Variants in GLIS3 observed in about 807,000 individuals in gnomAD.
The protein encoded by GLIS3 is GLIS family zinc finger 3, also known as zinc finger protein GLIS3.
In GLIS3, 53 loss-of-function variants were observed where a neutral mutation model predicts 78.6. That is an observed-to-expected ratio of 0.67 (90% CI 0.54 to 0.85). The LOEUF is 0.85. Among genes scored for constraint, GLIS3 ranks in the 40% least tolerant of loss-of-function variants. GLIS3 has a pLI of 0.00. For synonymous variants in GLIS3, 684 were observed against 509.9 expected, an observed-to-expected ratio of 1.34 and a Z score of -4.60; for missense variants, 1,703 against 1,231.1, an observed-to-expected ratio of 1.38 and a Z score of -5.74.
At chr9:4,144,605 C>T (rs1171109927) in intron 2 of GLIS3, among the ~76,000 whole-genome samples, 1 of 152,096 alleles carries the variant, frequency 6.6e-6, no homozygotes, top group Non-Finnish European at 1.5e-5. Context: ...GGAAATAAAG[C>T]TGTAATACAT....
intron 2 of GLIS3, among the ~76,000 whole-genome samples, chr9:4,145,507 A>C (rs994945340): frequency 6.6e-6 from 1 of 152,156 alleles, no homozygotes; most frequent in African/African-American, 2.4e-5. Flanking sequence ...AAATGACCAA[A>C]GCCCACAGGA....
intron 7 of GLIS3, among the ~76,000 whole-genome samples, chr9:3,897,184 G>A (rs1200325904): frequency 1.3e-5 from 2 of 152,100 alleles, no homozygotes; most frequent in African/African-American, 4.8e-5. Flanking sequence ...AATACAGCCA[G>A]ACTAGCCCAT....
At chr9:4,194,788 G>C (rs1448521375) in intron 2 of GLIS3, among the ~76,000 whole-genome samples, 5 of 152,190 alleles carry the variant, frequency 3.3e-5, no homozygotes, top group East Asian at 3.9e-4. Flanking sequence ...GGCCAAGGGA[G>C]AGTACTTTGT....
At chr9:4,126,266 T>G (rs1832569675) in intron 2 of GLIS3, among the ~76,000 whole-genome samples, 1 of 152,240 alleles carries the variant, frequency 6.6e-6, no homozygotes, top group Non-Finnish European at 1.5e-5. Flanking sequence ...TGGGATTGCC[T>G]GTATCAAACC....
the GLIS3 span, among the ~76,000 whole-genome samples, chr9:4,473,510 G>A: frequency 6.7e-6 from 1 of 149,682 alleles, no homozygotes; most frequent in Non-Finnish European, 1.5e-5. Context: ...TGGAGCTGGA[G>A]GCCACTATCC....
At chr9:3,945,979 G>C (rs1816269281) in intron 4 of GLIS3, among the ~76,000 whole-genome samples, 2 of 151,056 alleles carry the variant, frequency 1.3e-5, no homozygotes, top group Non-Finnish European at 2.9e-5. Context: ...GGCCAGCCAA[G>C]CTGCATTCCC....
rs566714832 is a variant in GLIS3, at chr9:4,117,703, A to T, written c.1710+65T>A. The T allele has an allele frequency of 9.4e-6, 15 of 1,597,528 alleles. No individual in the cohort carries two copies. In the Admixed American group the frequency reaches 1.8e-4, roughly 20 times the overall value. ...AACTCCATGGGCCGAGTTAGGAAAA[A>T]ACACACGTACGCAAAGCAAGCCGGG... On this transcript the variant is annotated intron_variant, in intron 4 of 10. Transcript: ENST00000381971.
At chr9:4,426,952 G>T in the GLIS3 span, among the ~76,000 whole-genome samples, 2 of 152,212 alleles carry the variant, frequency 1.3e-5, no homozygotes, top group African/African-American at 4.8e-5. Flanking sequence ...ACCCATTACA[G>T]TTAAACTGTA....
At chr9:4,432,347 C>A in the GLIS3 span, among the ~76,000 whole-genome samples, 1 of 152,120 alleles carries the variant, frequency 6.6e-6, no homozygotes, top group Non-Finnish European at 1.5e-5. Context: ...AGGGTAGGAT[C>A]TTAACAAACA....
intron 2 of GLIS3, among the ~76,000 whole-genome samples, chr9:4,206,615 T>C (rs1040497556): frequency 1.3e-5 from 2 of 152,222 alleles, no homozygotes; most frequent in African/African-American, 4.8e-5. Flanking sequence ...TCCCAAAGCA[T>C]GTTGCTGAAC....
intron 9 of GLIS3, among the ~76,000 whole-genome samples, chr9:3,853,917 A>G (rs1819593912): frequency 6.6e-6 from 1 of 152,242 alleles, no homozygotes; most frequent in Admixed American, 6.5e-5. Context: ...CTTTGACACC[A>G]TCAACTGTGA....
At chr9:4,400,553 A>G in the GLIS3 span, among the ~76,000 whole-genome samples, 1 of 152,222 alleles carries the variant, frequency 6.6e-6, no homozygotes, top group East Asian at 1.9e-4. Context: ...AAAAGTTGTA[A>G]AAGACTAAAG....
At chr9:4,384,523 T>G in the GLIS3 span, among the ~76,000 whole-genome samples, 1 of 149,994 alleles carries the variant, frequency 6.7e-6, no homozygotes, top group African/African-American at 2.5e-5. Context: ...TTCCTTCTTT[T>G]CTTCCTTACT....
chr9:4,462,453 G>A, the GLIS3 span, among the ~76,000 whole-genome samples: 1 of 152,060 alleles, frequency 6.6e-6, no homozygotes, highest in African/African-American at 2.4e-5. Flanking sequence ...ACAGATCAGA[G>A]AGTTAAAAAG....
intron 2 of GLIS3, among the ~76,000 whole-genome samples, chr9:4,338,965 G>A (rs370325395): frequency 6.6e-6 from 1 of 152,176 alleles, no homozygotes; most frequent in Non-Finnish European, 1.5e-5. Flanking sequence ...CCTTCAAAAT[G>A]AGACGGCTTT....
At chr9:4,232,292 G>C (rs1383828292) in intron 2 of GLIS3, among the ~76,000 whole-genome samples, 2 of 151,090 alleles carry the variant, frequency 1.3e-5, no homozygotes, top group African/African-American at 4.9e-5. Flanking sequence ...AAGGCAGGGG[G>C]ATCACTTGAG....
At chr9:4,095,554 AGAAGAG>A (rs1482913461) in intron 4 of GLIS3, among the ~76,000 whole-genome samples, 1 of 152,228 alleles carries the variant, frequency 6.6e-6, no homozygotes, top group Non-Finnish European at 1.5e-5. Context: ...AAGCTATATT[AGAAGAG>A]GAAGAGTCTG....
intron 8 of GLIS3, among the ~76,000 whole-genome samples, chr9:3,861,804 A>G (rs1010616560): frequency 1.3e-5 from 2 of 152,198 alleles, no homozygotes; most frequent in African/African-American, 4.8e-5. Flanking sequence ...GGGGAGGGAG[A>G]GCATCAGGAA....
chr9:4,107,426 C>T (rs776638862), intron 4 of GLIS3, among the ~76,000 whole-genome samples: 6 of 152,118 alleles, frequency 3.9e-5, no homozygotes, highest in Non-Finnish European at 7.4e-5. Context: ...AACCTCTCCA[C>T]AATCCTCAAC....
Sources: gnomAD v4.1 joint callset for allele counts (sites outside exome capture counted in the v4.1 genomes callset) on GRCh38, gnomAD v4.1.1 for gene constraint, MANE v1.5 for transcripts, NCBI Gene and HGNC (gene_info 2026-07-23, HGNC 2026-07-21) for gene names.